Variants in RPP38 observed in about 807,000 individuals in gnomAD.
The protein encoded by RPP38 is ribonuclease P protein subunit p38.
RPP38 carries 2 observed loss-of-function variants against 1.7 expected under a neutral mutation model. The ratio of observed to expected loss-of-function variants is 1.18; its 90% CI spans 0.48 to 3.70. RPP38 has a LOEUF of 3.70. RPP38 is among the 30% of genes most tolerant of loss of function. The probability of loss-of-function intolerance (pLI) is 0.07; values close to 1 mark genes in which losing one functional copy is unlikely to be tolerated. For synonymous variants in RPP38, 151 were observed against 131.8 expected, an observed-to-expected ratio of 1.15 and a Z score of -1.00; for missense variants, 358 against 340.1, an observed-to-expected ratio of 1.05 and a Z score of -0.41.
In RPP38 at chr10:15,104,245, A is replaced by ATACT; in HGVS notation, c.*83_*86dup. 2 of 1,359,642 alleles carry ATACT rather than the reference A, an allele frequency of 1.5e-6. No homozygotes were observed. The highest frequency in any genetic ancestry group is 4.6e-5 in the East Asian group (2 of 43,212). The allele number at this position is 1,359,642 out of a possible 1,614,324, so 84.2% of individuals were successfully genotyped here. A position where few individuals can be genotyped will look rare whatever the true frequency, so the allele number is the denominator to read the frequency against. Reference sequence around the variant, plus strand: ...AGCCTTGAAACTAATAAAATGAGTTATACTTACATAGATTCATAGGGTCCT... The same window carrying ATACT: ...AGCCTTGAAACTAATAAAATGAGTTATACTTACTTACATAGATTCATAGGGTCCT... On this transcript the variant is annotated 3_prime_UTR_variant, in exon 3 of 3. Coordinates refer to ENST00000378197, the MANE Select transcript of RPP38 (RefSeq NM_183005.5).
chr10:15,100,678 A>G (rs1404388168), intron 1 of RPP38, among the ~76,000 whole-genome samples: 2 of 149,730 alleles, frequency 1.3e-5, no homozygotes, highest in Non-Finnish European at 3.0e-5. Context: ...CAGATTCACG[A>G]GGGCAACTTT....
At chr10:15,102,657 A>G (rs538762319) in intron 2 of RPP38, 2 of 152,210 alleles carry the variant, frequency 1.3e-5, no homozygotes, top group Non-Finnish European at 2.9e-5. Context: ...TATGATTGCA[A>G]TAATTAAAAC....
In RPP38 at chr10:15,102,339, A is replaced by G. The variant is rs1315033656; in HGVS notation, c.-11+3A>G. On this transcript the variant is annotated splice_donor_region_variant and intron_variant, in intron 2 of 2. Transcript: ENST00000378197. ...CTCCCAAGTAGCTGGGACTACAGGTACGCCTCACACTTAGCTAATTTATGT... is the reference window on the plus strand; with the variant it reads ...CTCCCAAGTAGCTGGGACTACAGGTGCGCCTCACACTTAGCTAATTTATGT... The G allele has an allele frequency of 2.0e-5, 3 of 152,066 alleles. No individual in the cohort carries two copies. The East Asian group carries it at 5.8e-4, about 29-fold the overall frequency. 9.4% of individuals were successfully genotyped at this position (152,066 alleles called of 1,614,324 possible).
At chr10:15,098,249 T>TTTTTG (rs1845006381) in intron 1 of RPP38, among the ~76,000 whole-genome samples, 1 of 147,950 alleles carries the variant, frequency 6.8e-6, no homozygotes, top group Non-Finnish European at 1.5e-5. Context: ...TTTTTTTTTT[T>TTTTTG]GAGACATAGC....
chr10:15,101,855 A>G (rs894263997), intron 1 of RPP38, among the ~76,000 whole-genome samples: 1 of 152,052 alleles, frequency 6.6e-6, no homozygotes, highest in African/African-American at 2.4e-5. Context: ...ATGCCATTGC[A>G]CTCCAGCCTA....
At chr10:15,099,355 C>T in intron 1 of RPP38, among the ~76,000 whole-genome samples, 1 of 152,036 alleles carries the variant, frequency 6.6e-6, no homozygotes, top group East Asian at 1.9e-4. Flanking sequence ...TTAGGCGGGG[C>T]ATGGTAGCTC....
chr10:15,102,842 G>A (rs963105819), intron 2 of RPP38: 13 of 152,530 alleles, frequency 8.5e-5, no homozygotes, highest in East Asian at 1.9e-4. Context: ...GAAGACAAGC[G>A]TATGCTCACC....
At position 15,103,635 on chromosome 10, in the gene RPP38, A is replaced by T. The variant is rs1845194749; in HGVS notation, c.321A>T (p.Ala107=). The T allele has an allele frequency of 5.0e-6, 8 of 1,614,158 alleles. No individual in the cohort carries two copies. Among genetic ancestry groups the T allele is most frequent in the African/African-American group, 4.0e-5 (3 of 75,056 alleles). The change falls in exon 3 of 3, where the codon GCA becomes GCT. Residue 107 remains alanine (A), a synonymous_variant. Transcript: ENST00000378197. ...AGCAAGTGTCAGGGTGGACGCCTGC[A>T]CACGTCAGGAAGCAGCTTGCCATTG... ...AKQQVSGWTP[A]HVRKQLAIGV...
In RPP38 at chr10:15,103,436, T is replaced by G; in HGVS notation, c.122T>G (p.Met41Arg). Residue 41 changes from methionine (M) to arginine (R), a missense_variant, in exon 3 of 3, where the codon ATG (methionine) becomes AGG (arginine). Met to Arg is a moderately conservative substitution (Grantham distance 91). Transcript: ENST00000378197. ...IRWSALESED[M>R]HFILQTLEDR... ...TGGAGCGCTCTGGAGAGCGAGGATA[T>G]GCACTTCATCCTACAGACGCTTGAG... 6.2e-7 allele frequency: 1 copy of G among 1,614,238 alleles called. No homozygotes were observed. Among genetic ancestry groups the G allele is most frequent in the East Asian group, 2.2e-5 (1 of 44,888 alleles).
Position 15,103,886 on chromosome 10 carries a change from A to G in RPP38, c.572A>G (p.Asp191Gly), listed in dbSNP as rs1845208401. ...AAAAAGAACACCACTGACTTTGTGGACGAAGTAAGAGCCATCATCCCCAGA... is the reference window on the plus strand; with the variant it reads ...AAAAAGAACACCACTGACTTTGTGGGCGAAGTAAGAGCCATCATCCCCAGA... ...AFKKNTTDFV[D>G]EVRAIIPRVP... Residue 191 changes from aspartate (D) to glycine (G), a missense_variant, in exon 3 of 3, where the codon GAC becomes GGC. Physicochemically the swap from Asp to Gly is moderately conservative, Grantham distance 94. Coordinates refer to ENST00000378197, the MANE Select transcript of RPP38 (RefSeq NM_183005.5). The G allele has an allele frequency of 6.2e-7, 1 of 1,614,186 alleles. No individual in the cohort carries two copies.
At position 15,103,416 on chromosome 10, in the gene RPP38, C is replaced by T. The variant is rs760729358; in HGVS notation, c.102C>T (p.Ser34=). 105 of 1,613,924 alleles carry T rather than the reference C, an allele frequency of 6.5e-5. No individual in the cohort carries two copies. The highest frequency in any genetic ancestry group is 8.1e-5 in the Non-Finnish European group (96 of 1,179,932). Reference sequence around the variant, plus strand: ...ACAACCCATACATCATCCGCTGGAGCGCTCTGGAGAGCGAGGATATGCACT... The same window carrying T: ...ACAACCCATACATCATCCGCTGGAGTGCTCTGGAGAGCGAGGATATGCACT... ...SLNNPYIIRW[S]ALESEDMHFI... Residue 34 remains serine (S), a synonymous_variant, in exon 3 of 3, where the codon AGC becomes AGT. Coordinates refer to ENST00000378197, the MANE Select transcript of RPP38 (RefSeq NM_183005.5).
chr10:15,103,344 G>A lies in RPP38; in HGVS notation c.30G>A (p.Arg10=). The A allele has an allele frequency of 1.3e-6, 2 of 1,594,212 alleles. No homozygotes were observed. The highest frequency in any genetic ancestry group is 1.8e-5 in the Admixed American group (1 of 55,510). The change falls in exon 3 of 3, where the codon CGG becomes CGA. Residue 10 remains arginine, a synonymous_variant. Transcript: ENST00000378197. ...CTGCAGCTCCTCAAGCACCGGGGCGGGGATCTCTCCGTAAGACGAGACCTC... is the reference window on the plus strand; with the variant it reads ...CTGCAGCTCCTCAAGCACCGGGGCGAGGATCTCTCCGTAAGACGAGACCTC... MAAAPQAPG[R]GSLRKTRPLV...
chr10:15,104,145 T>TA lies in RPP38; in HGVS notation c.837dup (p.Ala280SerfsTer17). The TA allele has an allele frequency of 6.4e-7, 1 of 1,564,630 alleles. No individual in the cohort carries two copies. The highest frequency in any genetic ancestry group is 1.4e-5 in the African/African-American group (1 of 72,090). On this transcript the variant is annotated frameshift_variant, in exon 3 of 3. Coordinates refer to ENST00000378197, the MANE Select transcript of RPP38 (RefSeq NM_183005.5). LOFTEE classifies it high-confidence loss of function. ...ATAAGATAAGGAAACCACCCAAAAG[T>TA]AAAAAAGCTACTCCAAAGTAATCTT...
chr10:15,103,792 C>T lies in RPP38; in HGVS notation c.478C>T (p.Gln160Ter). ...LSLSRSVPAC[Q>*]VPRLSERIAP... ...CCTAAGCAGAAGTGTCCCTGCCTGT[C>T]AGGTCCCCCGGCTCAGTGAGAGAAT... is the stretch of plus-strand genomic sequence containing the variant. The change falls in exon 3 of 3, where the codon CAG becomes TAG. Residue 160 changes from glutamine (Q) to a stop codon, truncating the protein, a stop_gained. Coordinates refer to ENST00000378197, the MANE Select transcript of RPP38 (RefSeq NM_183005.5). LOFTEE classifies it low-confidence loss of function (END_TRUNC). 6.2e-7 allele frequency: 1 copy of T among 1,614,036 alleles called. No homozygotes were observed. Among genetic ancestry groups the T allele is most frequent in the Non-Finnish European group, 8.5e-7 (1 of 1,180,032 alleles).
At chr10:15,100,084 T>A (rs1040968702) in intron 1 of RPP38, among the ~76,000 whole-genome samples, 4 of 152,236 alleles carry the variant, frequency 2.6e-5, no homozygotes, top group Admixed American at 2.0e-4. Flanking sequence ...GTACTTTGTT[T>A]CTGGATTATA....
chr10:15,102,576 C>T (rs1430105935), intron 2 of RPP38: 6 of 151,946 alleles, frequency 3.9e-5, no homozygotes, highest in Non-Finnish European at 7.4e-5. Context: ...CATACAGTCA[C>T]TAGAAGGTTA....
At position 15,097,583 on chromosome 10, in the gene RPP38, G is replaced by C. The variant is rs910032826; in HGVS notation, c.-313G>C. ...CCTCCCGGTTGGGCCGCCCAGTCCC[G>C]GGCCGGGCGCGTGCACCCAGAGCTT... On this transcript the variant is annotated 5_prime_UTR_variant, in exon 1 of 3. Coordinates refer to ENST00000378197, the MANE Select transcript of RPP38 (RefSeq NM_183005.5). 11 of 152,298 alleles carry C rather than the reference G, an allele frequency of 7.2e-5. No individual in the cohort carries two copies. The highest frequency in any genetic ancestry group is 2.7e-4 in the African/African-American group (11 of 41,476). 9.4% of individuals were successfully genotyped at this position (152,298 alleles called of 1,614,324 possible).
Position 15,103,766 on chromosome 10 carries a change from GC to G in RPP38, c.454del (p.Leu152Ter). 2 of 1,614,000 alleles carry G rather than the reference GC, an allele frequency of 1.2e-6. No homozygotes were observed. Among genetic ancestry groups the G allele is most frequent in the Non-Finnish European group, 1.7e-6 (2 of 1,180,038 alleles). On this transcript the variant is annotated frameshift_variant, in exon 3 of 3. Coordinates refer to ENST00000378197, the MANE Select transcript of RPP38 (RefSeq NM_183005.5). LOFTEE classifies it low-confidence loss of function (END_TRUNC). ...AMITSHLIQL[S>X]LSRSVPACQV... ...ATCACCTCACACTTGATTCAGTTAA[GC>G]CTAAGCAGAAGTGTCCCTGCCTGTC...
At position 15,103,644 on chromosome 10, in the gene RPP38, G is replaced by A. The variant is rs761742443; in HGVS notation, c.330G>A (p.Arg110=). 2 of 1,613,986 alleles carry A rather than the reference G, an allele frequency of 1.2e-6. No individual in the cohort carries two copies. The highest frequency in any genetic ancestry group is 1.7e-6 in the Non-Finnish European group (2 of 1,180,044). Residue 110 remains arginine, a synonymous_variant, in exon 3 of 3, where the codon AGG becomes AGA. Coordinates refer to ENST00000378197, the MANE Select transcript of RPP38 (RefSeq NM_183005.5). ...CAGGGTGGACGCCTGCACACGTCAG[G>A]AAGCAGCTTGCCATTGGCGTTAACG... ...QVSGWTPAHV[R]KQLAIGVNEV...
Sources: allele counts gnomAD v4.1 joint callset (sites outside exome capture counted in the v4.1 genomes callset), GRCh38; gene constraint gnomAD v4.1.1; transcripts MANE v1.5; gene names NCBI Gene and HGNC (gene_info 2026-07-23, HGNC 2026-07-21).